Variants in RAB5A observed in about 807,000 individuals in gnomAD.
The protein encoded by RAB5A is ras-related protein Rab-5A.
RAB5A carries 8 observed loss-of-function variants against 25.7 expected under a neutral mutation model. The observed-to-expected ratio is 0.31, with a 90% CI of 0.18 to 0.56. The LOEUF is 0.56. Ranked by LOEUF, RAB5A falls within the 20% of genes least tolerant of loss-of-function variation. The probability of loss-of-function intolerance (pLI) is 0.91; values close to 1 mark genes in which losing one functional copy is unlikely to be tolerated. For missense variants in RAB5A, 192 were observed against 259.7 expected (o/e 0.74, Z 1.79); for synonymous variants, 98 against 89.8 (o/e 1.09, Z -0.52).
intron 2 of RAB5A, among the ~76,000 whole-genome samples, chr3:19,968,244 C>T (rs1276398912): frequency 2.0e-5 from 3 of 151,718 alleles, no homozygotes; most frequent in Non-Finnish European, 2.9e-5. Context: ...TATTTTTTTT[C>T]ACTTACACAT....
intron 2 of RAB5A, among the ~76,000 whole-genome samples, chr3:19,962,633 G>C (rs1696603447): frequency 6.6e-6 from 1 of 151,822 alleles, no homozygotes; most frequent in African/African-American, 2.4e-5. Flanking sequence ...CATTTTTCTT[G>C]GCTGTAACAG....
At chr3:19,977,729 T>G (rs17006435) in intron 4 of RAB5A, among the ~76,000 whole-genome samples, 3,978 of 152,228 alleles carry the variant, frequency 0.026, 162 homozygotes, top group African/African-American at 0.09. Flanking sequence ...GAAAGATCAT[T>G]GGTTACCCCT....
At chr3:19,973,489 T>TAATTTTAGTTTAA (rs1201621480) in intron 2 of RAB5A, among the ~76,000 whole-genome samples, 3 of 152,286 alleles carry the variant, frequency 2.0e-5, no homozygotes, top group Non-Finnish European at 2.9e-5. Context: ...CTTAGGGACT[T>TAATTTTAGTTTAA]AATTTTAGTT....
At chr3:19,947,596 G>C (rs1164270988) in intron 1 of RAB5A, 75 bp downstream of exon 1, 1 of 152,418 alleles carries the variant, frequency 6.6e-6, no homozygotes, top group Admixed American at 6.5e-5. Flanking sequence ...GCCTGTCCGC[G>C]GCCCTGCCGG....
chr3:19,968,235 A>AT (rs1038939475), intron 2 of RAB5A, among the ~76,000 whole-genome samples: 7 of 151,382 alleles, frequency 4.6e-5, no homozygotes, highest in East Asian at 1.9e-4. Flanking sequence ...AGTTACTAGT[A>AT]TTTTTTTTCA....
At chr3:19,947,851 C>G (rs368836151) in intron 1 of RAB5A, 2 of 152,788 alleles carry the variant, frequency 1.3e-5, no homozygotes, top group Non-Finnish European at 2.9e-5. Flanking sequence ...CTGGGGGTCT[C>G]GGTCAAAGCA....
rs199635626 is a variant in RAB5A, at chr3:19,978,304, A to G, written c.439-6A>G. The G allele has an allele frequency of 1.0e-5, 16 of 1,594,764 alleles. No homozygotes were observed. The African/African-American group carries it at 2.1e-4, about 21-fold the overall frequency. On this transcript the variant is annotated splice_region_variant and splice_polypyrimidine_tract_variant and intron_variant, in intron 4 of 5. Coordinates refer to ENST00000273047, the MANE Select transcript of RAB5A (RefSeq NM_004162.5). ...TCATATATCTCATTTTTTGTTCTGT[A>G]AACAGGAAGCACAGTCCTATGCAGA...
chr3:19,953,411 C>CTTT lies in RAB5A; in HGVS notation c.163+2365_163+2367dup, dbSNP rs11383693. Among the ~76,000 whole-genome samples, 366 of 134,528 alleles carry CTTT rather than the reference C, an allele frequency of 2.7e-3. 3 individuals carry two copies. The highest frequency in any genetic ancestry group is 4.2e-3 in the African/African-American group (154 of 36,494). The allele number at this position is 134,528 out of a possible 152,430, so 88.3% of individuals were successfully genotyped here. On this transcript the variant is annotated intron_variant, in intron 2 of 5. Transcript: ENST00000273047. Reference sequence around the variant, plus strand: ...ATTTGCATCCAAATTTCTGTTAATCCTTTTTTTTTTTTTTTTTGGAGACAA... The same window carrying CTTT: ...ATTTGCATCCAAATTTCTGTTAATCCTTTTTTTTTTTTTTTTTTTTGGAGACAA...
chr3:19,983,724 GAATGAACCACAA>G lies in RAB5A; in HGVS notation c.553_564del (p.Glu185_Asn188del). On this transcript the variant is annotated inframe_deletion, in exon 6 of 6. Coordinates refer to ENST00000273047, the MANE Select transcript of RAB5A (RefSeq NM_004162.5). Reference sequence around the variant, plus strand: ...TTCTTTCAGCTAAAAAATTGCCAAAGAATGAACCACAAAATCCAGGAGCAAATTCTGCCAGAG... The same window carrying G: ...TTCTTTCAGCTAAAAAATTGCCAAAGAATCCAGGAGCAAATTCTGCCAGAG... 2 of 1,609,852 alleles carry G rather than the reference GAATGAACCACAA, an allele frequency of 1.2e-6. No individual in the cohort carries two copies. Among genetic ancestry groups the G allele is most frequent in the Admixed American group, 1.7e-5 (1 of 59,908 alleles).
At chr3:19,950,350 C>T (rs1356141403) in intron 1 of RAB5A, among the ~76,000 whole-genome samples, 2 of 152,170 alleles carry the variant, frequency 1.3e-5, no homozygotes, top group African/African-American at 2.4e-5. Flanking sequence ...TTATTAATAA[C>T]ATAATTTTTC....
intron 2 of RAB5A, among the ~76,000 whole-genome samples, chr3:19,974,382 T>C (rs1696792640): frequency 6.6e-6 from 1 of 152,094 alleles, no homozygotes; most frequent in African/African-American, 2.4e-5. Flanking sequence ...CTTGATCTCC[T>C]GACCTCGTGA....
chr3:19,949,532 A>G (rs1161618692), intron 1 of RAB5A, among the ~76,000 whole-genome samples: 1 of 152,230 alleles, frequency 6.6e-6, no homozygotes, highest in Non-Finnish European at 1.5e-5. Flanking sequence ...TGAGGTAGCT[A>G]AATGAAATAT....
chr3:19,974,226 C>G (rs1461908274), intron 2 of RAB5A, among the ~76,000 whole-genome samples: 5 of 151,402 alleles, frequency 3.3e-5, no homozygotes, highest in Non-Finnish European at 7.4e-5. Flanking sequence ...GCGATCTCAG[C>G]TCACTGCAAC....
chr3:19,974,517 T>C (rs1559491539), intron 2 of RAB5A, among the ~76,000 whole-genome samples: 1 of 152,110 alleles, frequency 6.6e-6, no homozygotes, highest in African/African-American at 2.4e-5. Flanking sequence ...AAAATTCTTA[T>C]GGCAGGGAAT....
chr3:19,973,811 G>A (rs144206648), intron 2 of RAB5A, among the ~76,000 whole-genome samples: 1,782 of 152,224 alleles, frequency 0.012, 20 homozygotes, highest in Middle Eastern at 0.027. Context: ...CTAAAAGAGC[G>A]TGAAAAATAA....
At chr3:19,979,562 GGCGCGA>G (rs1210170233) in intron 5 of RAB5A, among the ~76,000 whole-genome samples, 1 of 152,176 alleles carries the variant, frequency 6.6e-6, no homozygotes, top group Admixed American at 6.5e-5. Context: ...TGGGATTACA[GGCGCGA>G]GCCACTGCCC....
intron 2 of RAB5A, among the ~76,000 whole-genome samples, chr3:19,968,059 T>A (rs1696685488): frequency 6.6e-6 from 1 of 152,220 alleles, no homozygotes; most frequent in South Asian, 2.1e-4. Context: ...ATTTCTGTCT[T>A]CACTGATAAC....
intron 5 of RAB5A, chr3:19,980,241 C>A (rs1160515238): frequency 1.3e-5 from 2 of 152,188 alleles, no homozygotes; most frequent in African/African-American, 2.4e-5. Context: ...AAACCTTTCT[C>A]ACAATATTTA....
Position 19,984,758 on chromosome 3 carries a change from T to C in RAB5A, c.*935T>C, listed in dbSNP as rs956746732. On this transcript the variant is annotated 3_prime_UTR_variant, in exon 6 of 6. Transcript: ENST00000273047. ...AGTCTCCATATCTGTATTACTTTTC[T>C]GTAATATTTAAGAGTTGCTTAAAAG... 3.9e-5 allele frequency: 6 copies of C among 153,016 alleles called. No individual in the cohort carries two copies. The highest frequency in any genetic ancestry group is 1.4e-4 in the African/African-American group (6 of 41,468). 9.5% of individuals were successfully genotyped at this position (153,016 alleles called of 1,614,324 possible).
Sources: allele counts gnomAD v4.1 joint callset (sites outside exome capture counted in the v4.1 genomes callset), GRCh38; gene constraint gnomAD v4.1.1; transcripts MANE v1.5; gene names NCBI Gene and HGNC (gene_info 2026-07-23, HGNC 2026-07-21).